The following DCTN5 variants were observed in gnomAD, a reference collection of about 807,000 sequenced individuals.
The protein encoded by DCTN5 is dynactin subunit 5.
DCTN5 carries 14 observed loss-of-function variants against 23.5 expected under a neutral mutation model. The ratio of observed to expected loss-of-function variants is 0.60; its 90% confidence interval spans 0.39 to 0.93. The LOEUF (loss-of-function observed/expected upper bound fraction) is 0.93. DCTN5 is among the 40% of genes least tolerant of loss of function. DCTN5 has a pLI of 0.00. For synonymous variants in DCTN5, 67 were observed against 79.6 expected (o/e 0.84, Z 0.84); for missense variants, 156 against 225.9 (o/e 0.69, Z 1.98).
chr16:23,669,036 G>T lies in DCTN5; in HGVS notation c.*1892G>T, dbSNP rs1967957990. 2 of 152,662 alleles carry T rather than the reference G, an allele frequency of 1.3e-5. No individual in the cohort carries two copies. The highest frequency in any genetic ancestry group is 4.8e-5 in the African/African-American group (2 of 41,456). 9.5% of individuals were successfully genotyped at this position (152,662 alleles called of 1,614,324 possible). A position where few individuals can be genotyped will look rare whatever the true frequency, so the allele number is the denominator to read the frequency against. ...ATTATGTGCTGATGTATTCGAAGAT[G>T]TGTTGACAGTCGTGAGTGTGTATCC... On this transcript the variant is annotated 3_prime_UTR_variant, in exon 6 of 6. Transcript: ENST00000300087.
At chr16:23,649,708 C>G (rs931426233) in intron 2 of DCTN5, among the ~76,000 whole-genome samples, 12 of 151,822 alleles carry the variant, frequency 7.9e-5, no homozygotes, top group Non-Finnish European at 1.8e-4. Context: ...CTGGGTGTGG[C>G]ATGCTTGTAA....
chr16:23,671,909 T>C lies in DCTN5; in HGVS notation c.*4765T>C, dbSNP rs1968013896. 6.6e-6 allele frequency: 1 copy of C among 152,218 alleles called. No homozygotes were observed. Among genetic ancestry groups the C allele is most frequent in the African/African-American group, 2.4e-5 (1 of 41,452 alleles). The allele number at this position is 152,218 out of a possible 1,614,324, so 9.4% of individuals were successfully genotyped here. A position where few individuals can be genotyped will look rare whatever the true frequency, so the allele number is the denominator to read the frequency against. On this transcript the variant is annotated 3_prime_UTR_variant, in exon 6 of 6. Coordinates refer to ENST00000300087, the MANE Select transcript of DCTN5 (RefSeq NM_032486.4). ...GCATTGGGCAAATGGGTCATGCAGA[T>C]GAAAACCATCCAAGATAAGAGACAT...
chr16:23,645,077 G>A (rs1424249018), intron 2 of DCTN5, among the ~76,000 whole-genome samples: 1 of 87,472 alleles, frequency 1.1e-5, no homozygotes, highest in Non-Finnish European at 2.1e-5. Flanking sequence ...ACTGCACCCA[G>A]CCTAACTATA....
rs1959219778 is a variant in DCTN5 at position 23,675,947 on chromosome 16, C to T, written c.*8803C>T. 6.6e-6 allele frequency: 1 copy of T among 152,160 alleles called. No homozygotes were observed. The highest frequency in any genetic ancestry group is 1.5e-5 in the Non-Finnish European group (1 of 68,030). 9.4% of individuals were successfully genotyped at this position (152,160 alleles called of 1,614,324 possible). ...GGAACTTTTCAGATGGGACTGGAAA[C>T]ACTTGGGCAGGAGTTCCCCTGGTAG... On this transcript the variant is annotated 3_prime_UTR_variant, in exon 6 of 6. Coordinates refer to ENST00000300087, the MANE Select transcript of DCTN5 (RefSeq NM_032486.4).
chr16:23,663,948 C>T (rs765569226), intron 4 of DCTN5, among the ~76,000 whole-genome samples: 1 of 152,286 alleles, frequency 6.6e-6, no homozygotes, highest in Admixed American at 6.5e-5. Flanking sequence ...GAAAATATCC[C>T]ATCAGCTAGT....
At chr16:23,659,566 C>T (rs988594711) in intron 3 of DCTN5, among the ~76,000 whole-genome samples, 5 of 152,088 alleles carry the variant, frequency 3.3e-5, no homozygotes, top group African/African-American at 4.8e-5. Context: ...AATCAGATAG[C>T]GACATATGAC....
At chr16:23,664,599 A>G (rs1257285681) in intron 4 of DCTN5, among the ~76,000 whole-genome samples, 1 of 152,212 alleles carries the variant, frequency 6.6e-6, no homozygotes, top group Non-Finnish European at 1.5e-5. Context: ...TTTCCTCAGC[A>G]AGGAGTCTAA....
chr16:23,667,329 G>GCTCC lies in DCTN5; in HGVS notation c.*185_*186insCTCC. 1.5e-6 allele frequency: 1 copy of GCTCC among 666,600 alleles called. No homozygotes were observed. The highest frequency in any genetic ancestry group is 2.5e-6 in the Non-Finnish European group (1 of 399,244). 41.3% of individuals were successfully genotyped at this position (666,600 alleles called of 1,614,324 possible). ...GTGCTTAAGAATTCACTAACAGACA[G>GCTCC]ACCATCTGGAGGAGCTGTCTTCAAA... On this transcript the variant is annotated 3_prime_UTR_variant, in exon 6 of 6. Coordinates refer to ENST00000300087, the MANE Select transcript of DCTN5 (RefSeq NM_032486.4).
At position 23,667,047 on chromosome 16, in the gene DCTN5, G is replaced by T; in HGVS notation, c.452G>T (p.Gly151Val). 1 of 1,613,760 alleles carries T rather than the reference G, an allele frequency of 6.2e-7. No individual in the cohort carries two copies. The highest frequency in any genetic ancestry group is 8.5e-7 in the Non-Finnish European group (1 of 1,179,982). The change falls in exon 6 of 6, where the codon GGA becomes GTA. Residue 151 changes from glycine to valine, a missense_variant and splice_region_variant. By Grantham distance (109) the Gly-to-Val change is moderately radical. This residue lies in a region of DCTN5 where 153 missense variants were observed against 206.8 expected (regional missense o/e 0.74). Coordinates refer to ENST00000300087, the MANE Select transcript of DCTN5 (RefSeq NM_032486.4). ...TAGAGCTGGGTCTTTCTTTCCCCAG[G>T]ACTCTTCTCAGGGGAGCTCCCGGAG... ...PPFTVFSGCP[G>V]LFSGELPECT...
At chr16:23,643,847 G>A (rs1215083297) in intron 2 of DCTN5, among the ~76,000 whole-genome samples, 7 of 152,058 alleles carry the variant, frequency 4.6e-5, no homozygotes, top group Admixed American at 6.5e-5. Flanking sequence ...GCAAAGAGAC[G>A]AGTATAAACT....
intron 5 of DCTN5, 87 bp from the exon 6 acceptor site, chr16:23,666,960 T>C: frequency 6.4e-7 from 1 of 1,571,448 alleles, no homozygotes; most frequent in Non-Finnish European, 8.6e-7. Flanking sequence ...ATGCATCTGA[T>C]TGAGGTGAGA....
At chr16:23,651,049 T>C in intron 2 of DCTN5, 1 of 1,377,458 alleles carries the variant, frequency 7.3e-7, no homozygotes, top group Non-Finnish European at 9.4e-7. Context: ...AATGTTTAAT[T>C]TTAAATGATT....
At chr16:23,660,721 A>G (rs936484069) in intron 3 of DCTN5, among the ~76,000 whole-genome samples, 5 of 152,216 alleles carry the variant, frequency 3.3e-5, no homozygotes, top group African/African-American at 9.6e-5. Flanking sequence ...AGTCTGGCAC[A>G]TAGTAGTCAC....
intron 5 of DCTN5, 131 bp downstream of exon 5, chr16:23,665,859 A>G: frequency 1.4e-5 from 10 of 712,508 alleles, no homozygotes; most frequent in Non-Finnish European, 1.6e-5. Flanking sequence ...ATTCACCTGT[A>G]CAAAGTACCT....
At chr16:23,653,933 A>C (rs1967650053) in intron 2 of DCTN5, among the ~76,000 whole-genome samples, 1 of 152,240 alleles carries the variant, frequency 6.6e-6, no homozygotes, top group South Asian at 2.1e-4. Flanking sequence ...TAATCATGAC[A>C]AAAAGCTCAA....
In DCTN5 at chr16:23,669,511, A is replaced by ATGT. The variant is rs1291947942; in HGVS notation, c.*2367_*2368insTGT. 161 of 152,430 alleles carry ATGT rather than the reference A, an allele frequency of 1.1e-3. No individual in the cohort carries two copies. Among genetic ancestry groups the ATGT allele is most frequent in the African/African-American group, 3.8e-3 (157 of 41,570 alleles). 9.4% of individuals were successfully genotyped at this position (152,430 alleles called of 1,614,324 possible). A position where few individuals can be genotyped will look rare whatever the true frequency, so the allele number is the denominator to read the frequency against. ...CCAGCCTCAAGTCATCATTGTGGCC[A>ATGT]GGAAGATGGAATACACCAAATGGAC... On this transcript the variant is annotated 3_prime_UTR_variant, in exon 6 of 6. Coordinates refer to ENST00000300087, the MANE Select transcript of DCTN5 (RefSeq NM_032486.4).
rs2140995631 is a variant in DCTN5, at chr16:23,676,921, A to T, written c.*9777A>T. 1 of 152,354 alleles carries T rather than the reference A, an allele frequency of 6.6e-6. No individual in the cohort carries two copies. Among genetic ancestry groups the T allele is most frequent in the South Asian group, 2.1e-4 (1 of 4,830 alleles). The allele number at this position is 152,354 out of a possible 1,614,324, so 9.4% of individuals were successfully genotyped here. A position where few individuals can be genotyped will look rare whatever the true frequency, so the allele number is the denominator to read the frequency against. On this transcript the variant is annotated 3_prime_UTR_variant, in exon 6 of 6. Transcript: ENST00000300087. ...GTACAAACAATGTGGGTTATGCCCAACATCTGCTTTCCTTCTGGGAGTCAG... is the reference window on the plus strand; with the variant it reads ...GTACAAACAATGTGGGTTATGCCCATCATCTGCTTTCCTTCTGGGAGTCAG...
intron 2 of DCTN5, among the ~76,000 whole-genome samples, chr16:23,646,831 G>A (rs571360001): frequency 1.1e-3 from 169 of 152,114 alleles, no homozygotes; most frequent in African/African-American, 2.4e-3. Context: ...CAGCCTCGGC[G>A]TCCCAAAGTG....
intron 3 of DCTN5, among the ~76,000 whole-genome samples, chr16:23,660,807 C>T (rs1372602501): frequency 6.6e-6 from 1 of 152,142 alleles, no homozygotes; most frequent in Non-Finnish European, 1.5e-5. Context: ...TACTGTCAAT[C>T]CCCTGGAACA....
Sources: gnomAD v4.1 joint callset for allele counts (sites outside exome capture counted in the v4.1 genomes callset) on GRCh38, gnomAD v4.1.1 for gene constraint, gnomAD v4.1.1 regional missense constraint, MANE v1.5 for transcripts, NCBI Gene and HGNC (gene_info 2026-07-23, HGNC 2026-07-21) for gene names.